Variants in DNAH7 observed in about 807,000 individuals in gnomAD.
The protein encoded by DNAH7 is dynein axonemal heavy chain 7.
Under a neutral mutation model 444.6 loss-of-function variants are expected in DNAH7, and 397 were observed. The observed-to-expected ratio is 0.89, with a 90% confidence interval of 0.82 to 0.97. The LOEUF (loss-of-function observed/expected upper bound fraction) is 0.97, where lower values mean the gene tolerates loss of function less well. Ranked by LOEUF, DNAH7 falls within the 50% of genes least tolerant of loss-of-function variation. The probability of loss-of-function intolerance (pLI) is 0.00; values close to 1 mark genes in which losing one functional copy is unlikely to be tolerated. For synonymous variants in DNAH7, 1,636 were observed against 1,624.4 expected (o/e 1.01, Z -0.17); for missense variants, 4,902 against 4,800.8 (o/e 1.02, Z -0.62).
intron 8 of DNAH7, among the ~76,000 whole-genome samples, chr2:196,021,964 T>A (rs1695408681): frequency 6.6e-6 from 1 of 152,006 alleles, no homozygotes; most frequent in African/African-American, 2.4e-5. Flanking sequence ...CTGTCTCTAC[T>A]AAAAATACAA....
chr2:195,832,779 T>C (rs1698137134), intron 48 of DNAH7, among the ~76,000 whole-genome samples: 1 of 152,160 alleles, frequency 6.6e-6, no homozygotes, highest in African/African-American at 2.4e-5. Context: ...CTTCAAGAAG[T>C]CTTCCCCAGT....
chr2:195,826,751 C>T (rs545214445), intron 48 of DNAH7, among the ~76,000 whole-genome samples: 30 of 152,118 alleles, frequency 2.0e-4, no homozygotes, highest in African/African-American at 7.0e-4. Context: ...ATAATAGCAA[C>T]GACAAGGAGA....
chr2:195,987,856 G>A (rs1299208441), intron 13 of DNAH7, 101 bp downstream of exon 13: 2 of 1,150,854 alleles, frequency 1.7e-6, no homozygotes, highest in African/African-American at 3.1e-5. Flanking sequence ...TCCTGTTGAT[G>A]ATAATGTTCT....
intron 21 of DNAH7, among the ~76,000 whole-genome samples, chr2:195,930,072 C>T (rs180987023): frequency 2.0e-5 from 3 of 151,482 alleles, no homozygotes; most frequent in Non-Finnish European, 2.9e-5. Flanking sequence ...AGGCCAGGTG[C>T]GCTGGCTCAC....
intron 15 of DNAH7, among the ~76,000 whole-genome samples, chr2:195,974,755 T>TACACACACACACAC (rs58054572): frequency 2.2e-4 from 31 of 143,658 alleles, no homozygotes; most frequent in African/African-American, 8.1e-4. Flanking sequence ...ATGTATATTT[T>TACACACACACACAC]ACACACACAC....
chr2:195,775,586 G>C (rs76710456), intron 60 of DNAH7, among the ~76,000 whole-genome samples: 1 of 148,772 alleles, frequency 6.7e-6, no homozygotes, highest in African/African-American at 2.5e-5. Flanking sequence ...AAGGCAAAAT[G>C]AAACTCCTAG....
chr2:195,995,351 C>A, intron 12 of DNAH7: 1 of 519,016 alleles, frequency 1.9e-6, no homozygotes, highest in South Asian at 1.4e-5. Context: ...GAGACTGGCT[C>A]AGGAGCTGAA....
Position 196,047,399 on chromosome 2 carries a change from T to C in DNAH7, c.351A>G (p.Pro117=). Residue 117 remains proline, a synonymous_variant, in exon 5 of 65, where the codon CCA becomes CCG. Coordinates refer to ENST00000312428, the MANE Select transcript of DNAH7 (RefSeq NM_018897.3). The part of the protein sequence containing the change: ...PSTSKSKGKS[P]HKERENFRST... ...TTCTAAAGTTTTCTCGTTCTTTATG[T>C]GGAGATTTGCCCTTTGATTTGGAAG... 6.2e-7 allele frequency: 1 copy of C among 1,601,828 alleles called. No individual in the cohort carries two copies. The highest frequency in any genetic ancestry group is 1.3e-5 in the African/African-American group (1 of 74,656).
rs1574401077 is a variant in DNAH7 at position 195,768,141 on chromosome 2, A to G, written c.11433+3519T>C. On this transcript the variant is annotated intron_variant, in intron 61 of 64. Coordinates refer to ENST00000312428, the MANE Select transcript of DNAH7 (RefSeq NM_018897.3). Reference sequence around the variant, plus strand: ...CAAGCATTATTCTCAAATAATTCAGAAAACACTTATATATGGGTATATATA... The same window carrying G: ...CAAGCATTATTCTCAAATAATTCAGGAAACACTTATATATGGGTATATATA... 2.0e-5 allele frequency among the ~76,000 whole-genome samples: 3 copies of G among 148,906 alleles called. No individual in the cohort carries two copies. The East Asian group carries it at 5.8e-4, about 29-fold the overall frequency.
intron 63 of DNAH7, among the ~76,000 whole-genome samples, chr2:195,742,223 A>G (rs1176012583): frequency 6.6e-6 from 1 of 152,184 alleles, no homozygotes; most frequent in East Asian, 1.9e-4. Context: ...GCCAGCTCTA[A>G]GGCCTGTCCA....
chr2:195,809,880 C>A lies in DNAH7; in HGVS notation c.9762-9G>T. ...CCTTGAGAATCTGAAGCCTAAGGGTCAACAGAAAATAAAGGAAATAAATAA... is the reference window on the plus strand; with the variant it reads ...CCTTGAGAATCTGAAGCCTAAGGGTAAACAGAAAATAAAGGAAATAAATAA... On this transcript the variant is annotated splice_polypyrimidine_tract_variant and intron_variant, in intron 51 of 64. Coordinates refer to ENST00000312428, the MANE Select transcript of DNAH7 (RefSeq NM_018897.3). The A allele has an allele frequency of 1.3e-6, 2 of 1,508,964 alleles. No individual in the cohort carries two copies. Among genetic ancestry groups the A allele is most frequent in the South Asian group, 2.8e-5 (2 of 71,652 alleles). The allele number at this position is 1,508,964 out of a possible 1,614,324, so 93.5% of individuals were successfully genotyped here.
chr2:195,746,046 C>G (rs1194979910), intron 63 of DNAH7, among the ~76,000 whole-genome samples: 1 of 152,266 alleles, frequency 6.6e-6, no homozygotes, highest in Non-Finnish European at 1.5e-5. Context: ...TTAAAAGACA[C>G]AGACTGGCAA....
At position 195,906,764 on chromosome 2, in the gene DNAH7, T is replaced by C; in HGVS notation, c.4230A>G (p.Ile1410Met). ...TTAGTTCAGTTCCTTCAAACATCAG[T>C]ATATCAGCACCTGCATTAATACCTG... ...IQRGINAGAD[I>M]LMFEGTELKL... Residue 1410 changes from isoleucine (I) to methionine (M), a missense_variant, in exon 27 of 65, where the codon ATA becomes ATG. By Grantham distance (10) the Ile-to-Met change is conservative (BLOSUM62 1). Transcript: ENST00000312428. The C allele has an allele frequency of 6.2e-7, 1 of 1,613,436 alleles. No homozygotes were observed. The highest frequency in any genetic ancestry group is 8.5e-7 in the Non-Finnish European group (1 of 1,179,582).
In DNAH7 at chr2:195,809,627, A is replaced by G. The variant is rs528810613; in HGVS notation, c.9888+118T>C. The G allele has an allele frequency of 5.3e-5, 52 of 972,092 alleles. No individual in the cohort carries two copies. In the African/African-American group the frequency reaches 8.4e-4, roughly 16 times the overall value. 60.2% of individuals were successfully genotyped at this position (972,092 alleles called of 1,614,324 possible). Reference sequence around the variant, plus strand: ...AACATCTTGCCTTAACTATAATAACAAACAGTATTATTGCTTAACTATTTA... The same window carrying G: ...AACATCTTGCCTTAACTATAATAACGAACAGTATTATTGCTTAACTATTTA... On this transcript the variant is annotated intron_variant, in intron 52 of 64. Transcript: ENST00000312428.
chr2:195,918,813 G>A (rs1187950729), intron 24 of DNAH7, among the ~76,000 whole-genome samples: 2 of 152,064 alleles, frequency 1.3e-5, no homozygotes, highest in African/African-American at 4.8e-5. Context: ...CTTTAGTAGT[G>A]GATATATGAC....
intron 58 of DNAH7, among the ~76,000 whole-genome samples, chr2:195,780,760 A>G (rs1168665324): frequency 6.6e-6 from 1 of 151,876 alleles, no homozygotes; most frequent in African/African-American, 2.4e-5. Flanking sequence ...CAAAATATAT[A>G]TATATATCTC....
chr2:195,931,650 G>T (rs915236059), intron 21 of DNAH7, among the ~76,000 whole-genome samples: 1 of 152,106 alleles, frequency 6.6e-6, no homozygotes, highest in Non-Finnish European at 1.5e-5. Flanking sequence ...TGGCTAGCCA[G>T]TTTTCCCAGC....
At chr2:195,806,641 C>G in intron 54 of DNAH7, 99 bp downstream of exon 54, 1 of 936,732 alleles carries the variant, frequency 1.1e-6, no homozygotes, top group East Asian at 2.7e-5. Flanking sequence ...GCAGGCTCCT[C>G]TACCTCCCCC....
chr2:195,823,257 A>T (rs1383480809), intron 49 of DNAH7, among the ~76,000 whole-genome samples: 2 of 152,164 alleles, frequency 1.3e-5, no homozygotes, highest in Non-Finnish European at 2.9e-5. Context: ...GGGTCACTCC[A>T]TTTTCCCCTA....
Sources: gnomAD v4.1 joint callset for allele counts (sites outside exome capture counted in the v4.1 genomes callset) on GRCh38, gnomAD v4.1.1 for gene constraint, MANE v1.5 for transcripts, NCBI Gene and HGNC (gene_info 2026-07-23, HGNC 2026-07-21) for gene names.